Variants in EPHB1 observed in about 807,000 individuals in gnomAD.
EPHB1 encodes the protein EPH receptor B1, also known as ephrin type-B receptor 1.
A neutral mutation model predicts 94.4 loss-of-function variants in EPHB1; 30 were observed. The ratio of observed to expected loss-of-function variants is 0.32; its 90% CI spans 0.24 to 0.43. The LOEUF (loss-of-function observed/expected upper bound fraction) is 0.43. Among genes scored for constraint, EPHB1 ranks in the 20% least tolerant of loss-of-function variants. The pLI is 1.00. For missense variants in EPHB1, 1,055 were observed against 1,308.3 expected (o/e 0.81, Z 2.99); for synonymous variants, 522 against 489.1 (o/e 1.07, Z -0.89).
At chr3:134,912,906 T>A (rs2038483925) in intron 1 of EPHB1, among the ~76,000 whole-genome samples, 2 of 152,232 alleles carry the variant, frequency 1.3e-5, no homozygotes, top group Non-Finnish European at 2.9e-5. Flanking sequence ...TGAAAGGGTA[T>A]CTGGCCATCT....
intron 1 of EPHB1, among the ~76,000 whole-genome samples, chr3:134,816,230 A>G (rs565388452): frequency 6.6e-6 from 1 of 151,476 alleles, no homozygotes; most frequent in Non-Finnish European, 1.5e-5. Context: ...TTATAGGCAC[A>G]CACCACCACA....
chr3:135,113,517 ACC>A (rs1240916222), intron 4 of EPHB1, among the ~76,000 whole-genome samples: 6 of 152,064 alleles, frequency 3.9e-5, no homozygotes, highest in East Asian at 1.9e-4. Context: ...CCCTCCAGTA[ACC>A]CCGAGAGGCA....
chr3:135,063,344 TGTC>T, intron 3 of EPHB1, among the ~76,000 whole-genome samples: 1 of 152,224 alleles, frequency 6.6e-6, no homozygotes, highest in Non-Finnish European at 1.5e-5. Context: ...CATTTGTTTG[TGTC>T]ATCTGTGATT....
intron 2 of EPHB1, among the ~76,000 whole-genome samples, chr3:134,930,815 G>T (rs2038891355): frequency 6.6e-6 from 1 of 152,172 alleles, no homozygotes; most frequent in African/African-American, 2.4e-5. Context: ...CCATGGCTGG[G>T]GTGGGTGCCC....
chr3:135,038,755 C>T (rs1247470225), intron 3 of EPHB1, among the ~76,000 whole-genome samples: 1 of 151,622 alleles, frequency 6.6e-6, no homozygotes, highest in Non-Finnish European at 1.5e-5. Flanking sequence ...TGTTACAGCT[C>T]ATAAAAGCAG....
chr3:135,069,200 A>G (rs1937630057), intron 3 of EPHB1, among the ~76,000 whole-genome samples: 1 of 151,574 alleles, frequency 6.6e-6, no homozygotes, highest in Non-Finnish European at 1.5e-5. Context: ...TTTTTCATTT[A>G]GCTCTTTTAT....
chr3:135,056,692 T>C (rs151260405), intron 3 of EPHB1, among the ~76,000 whole-genome samples: 1,684 of 152,372 alleles, frequency 0.011, 28 homozygotes, highest in African/African-American at 0.037. Flanking sequence ...AGATTTCCAA[T>C]AGATTTCATG....
chr3:134,891,802 T>C (rs1170319366), intron 1 of EPHB1, among the ~76,000 whole-genome samples: 1 of 152,228 alleles, frequency 6.6e-6, no homozygotes, highest in Non-Finnish European at 1.5e-5. Flanking sequence ...TGAAGCATCC[T>C]GGTAGGATCT....
At chr3:135,165,833 A>G (rs993269691) in intron 7 of EPHB1, 135 bp from the exon 8 acceptor site, 6 of 573,946 alleles carry the variant, frequency 1.0e-5, no homozygotes, top group African/African-American at 9.2e-5. Flanking sequence ...TTTTGGTTAG[A>G]CTTACAACTC....
intron 3 of EPHB1, among the ~76,000 whole-genome samples, chr3:134,964,786 T>C (rs1386038501): frequency 6.6e-6 from 1 of 152,188 alleles, no homozygotes; most frequent in Non-Finnish European, 1.5e-5. Flanking sequence ...TTCCGTTCTC[T>C]TGTCTGTCTT....
At chr3:135,062,535 G>GT (rs958615412) in intron 3 of EPHB1, among the ~76,000 whole-genome samples, 30 of 150,954 alleles carry the variant, frequency 2.0e-4, no homozygotes, top group East Asian at 3.9e-4. Context: ...TTTTGATGGG[G>GT]TTTTTTTTTC....
intron 12 of EPHB1, among the ~76,000 whole-genome samples, chr3:135,205,946 G>A (rs553247128): frequency 6.6e-6 from 1 of 152,270 alleles, no homozygotes; most frequent in Non-Finnish European, 1.5e-5. Context: ...AAAAATGCGT[G>A]CAACTGTGTA....
intron 3 of EPHB1, among the ~76,000 whole-genome samples, chr3:135,057,298 G>A (rs369351372): frequency 9.8e-5 from 15 of 152,298 alleles, no homozygotes; most frequent in East Asian, 5.8e-4. Flanking sequence ...AAGGGATGGA[G>A]AGGAGACTCC....
chr3:134,891,115 A>AT (rs1257032042), intron 1 of EPHB1, among the ~76,000 whole-genome samples: 1 of 151,900 alleles, frequency 6.6e-6, no homozygotes, highest in Non-Finnish European at 1.5e-5. Context: ...TTGTTCTTAT[A>AT]TTTTTTTTAA....
At chr3:135,123,581 G>A (rs940639) in intron 4 of EPHB1, among the ~76,000 whole-genome samples, 28,328 of 151,952 alleles carry the variant, frequency 0.19, 3,574 homozygotes, top group East Asian at 0.6. Context: ...TAGAAGGCAA[G>A]CACCATGCCC....
At chr3:134,840,074 C>T (rs1338632638) in intron 1 of EPHB1, among the ~76,000 whole-genome samples, 2 of 152,182 alleles carry the variant, frequency 1.3e-5, no homozygotes, top group African/African-American at 2.4e-5. Context: ...CCACTTGGCA[C>T]CTCCGTTAGT....
At chr3:135,258,789 G>A (rs1023391609) in intron 15 of EPHB1, among the ~76,000 whole-genome samples, 4 of 152,234 alleles carry the variant, frequency 2.6e-5, no homozygotes, top group African/African-American at 7.2e-5. Flanking sequence ...ACAAGGCACA[G>A]CACTCCCAGG....
At chr3:135,118,555 A>C (rs1307276703) in intron 4 of EPHB1, among the ~76,000 whole-genome samples, 1 of 152,232 alleles carries the variant, frequency 6.6e-6, no homozygotes, top group African/African-American at 2.4e-5. Context: ...GACAAGGTTC[A>C]GGTCTCCAGC....
chr3:135,021,924 A>C (rs1490243688), intron 3 of EPHB1, among the ~76,000 whole-genome samples: 4 of 152,388 alleles, frequency 2.6e-5, no homozygotes, highest in African/African-American at 9.6e-5. Flanking sequence ...TAATGAAAAC[A>C]TATGAAACTA....
Sources: allele counts gnomAD v4.1 joint callset (sites outside exome capture counted in the v4.1 genomes callset), GRCh38; gene constraint gnomAD v4.1.1; transcripts MANE v1.5; gene names NCBI Gene and HGNC (gene_info 2026-07-23, HGNC 2026-07-21).